The following REX1BD variants were observed in gnomAD, a reference collection of about 807,000 sequenced individuals.
The protein encoded by REX1BD is required for excision 1-B domain-containing protein.
REX1BD carries 22 observed loss-of-function variants against 24.4 expected under a neutral mutation model. The ratio of observed to expected loss-of-function variants is 0.90; its 90% CI spans 0.64 to 1.29. The LOEUF is 1.29. REX1BD is among the 50% of genes most tolerant of loss of function. The pLI, the probability that REX1BD is intolerant of heterozygous loss-of-function variation, is 0.00. For missense variants in REX1BD, 293 were observed against 285.3 expected (o/e 1.03, Z -0.19); for synonymous variants, 146 against 125.9 (o/e 1.16, Z -1.07).
Position 18,590,903 on chromosome 19 carries a change from A to G in REX1BD, c.503A>G (p.Asp168Gly), listed in dbSNP as rs1600644817. ...ACGCCAGAGCTGGCGGGGCAGGAGG[A>G]CGCTGTACGGATGCAGCAGCTGAAA... is the stretch of plus-strand genomic sequence containing the variant. The part of the protein sequence containing the change: ...METPELAGQE[D>G]AVRMQQLKMK... Residue 168 changes from aspartate (D) to glycine (G), a missense_variant, in exon 4 of 5, where the codon GAC (aspartate) becomes GGC (glycine). Coordinates refer to ENST00000358607, the MANE Select transcript of REX1BD (RefSeq NM_001100418.2). The G allele has an allele frequency of 6.2e-7, 1 of 1,600,330 alleles. No homozygotes were observed. Among genetic ancestry groups the G allele is most frequent in the South Asian group, 1.1e-5 (1 of 88,900 alleles).
chr19:18,589,943 C>T (rs771051096), intron 3 of REX1BD: 13 of 487,154 alleles, frequency 2.7e-5, no homozygotes, highest in Middle Eastern at 5.3e-4. Flanking sequence ...AATGCTATTC[C>T]AAGATGCCCA....
chr19:18,589,632 C>G lies in REX1BD; in HGVS notation c.402C>G (p.Leu134=). 6.6e-7 allele frequency: 1 copy of G among 1,518,716 alleles called. No homozygotes were observed. Among genetic ancestry groups the G allele is most frequent in the South Asian group, 1.2e-5 (1 of 80,916 alleles). 94.1% of individuals were successfully genotyped at this position (1,518,716 alleles called of 1,614,324 possible). Reference sequence around the variant, plus strand: ...GCGGGCCTCGCAGGCAGCCGCTGCTCGCCGGCCACGTGCGCAGCCTGCAGG... The same window carrying G: ...GCGGGCCTCGCAGGCAGCCGCTGCTGGCCGGCCACGTGCGCAGCCTGCAGG... The part of the protein sequence containing the change: ...ELGGPRRQPL[L]AGHVRSLQEL... The change falls in exon 3 of 5, where the codon CTC becomes CTG. Residue 134 remains leucine (L), a synonymous_variant. Transcript: ENST00000358607.
chr19:18,588,919 G>A lies in REX1BD; in HGVS notation c.99+19G>A, dbSNP rs1478196490. The A allele has an allele frequency of 3.3e-6, 5 of 1,526,632 alleles. No individual in the cohort carries two copies. Among genetic ancestry groups the A allele is most frequent in the South Asian group, 2.4e-5 (2 of 83,378 alleles). The allele number at this position is 1,526,632 out of a possible 1,614,324, so 94.6% of individuals were successfully genotyped here. On this transcript the variant is annotated intron_variant, in intron 1 of 4. Coordinates refer to ENST00000358607, the MANE Select transcript of REX1BD (RefSeq NM_001100418.2). Reference sequence around the variant, plus strand: ...GCCCTGGGTGAGCCCAGGCCCAAGCGGGAACGGGCGCGGGGCGGGCGGCGC... The same window carrying A: ...GCCCTGGGTGAGCCCAGGCCCAAGCAGGAACGGGCGCGGGGCGGGCGGCGC...
In REX1BD at chr19:18,590,952, G is replaced by A; in HGVS notation, c.533+19G>A. 1 of 1,526,384 alleles carries A rather than the reference G, an allele frequency of 6.6e-7. No homozygotes were observed. Among genetic ancestry groups the A allele is most frequent in the Non-Finnish European group, 8.8e-7 (1 of 1,135,462 alleles). The allele number at this position is 1,526,384 out of a possible 1,614,324, so 94.6% of individuals were successfully genotyped here. A position where few individuals can be genotyped will look rare whatever the true frequency, so the allele number is the denominator to read the frequency against. On this transcript the variant is annotated intron_variant, in intron 4 of 4. Coordinates refer to ENST00000358607, the MANE Select transcript of REX1BD (RefSeq NM_001100418.2). ...AAATGAAGTGAGCGCTGCTGCCCAA[G>A]CCGCCTGGCTATGCTCGATTTGCAC... is the stretch of plus-strand genomic sequence containing the variant.
rs549442000 is a variant in REX1BD at position 18,592,269 on chromosome 19, C to G, written c.*89C>G. On this transcript the variant is annotated 3_prime_UTR_variant, in exon 5 of 5. Coordinates refer to ENST00000358607, the MANE Select transcript of REX1BD (RefSeq NM_001100418.2). Reference sequence around the variant, plus strand: ...CCTAACTGCCAGCTGGCTGGGGTTGCGCCCCACTGCGCTGCTGACCTTCCT... The same window carrying G: ...CCTAACTGCCAGCTGGCTGGGGTTGGGCCCCACTGCGCTGCTGACCTTCCT... 1 of 1,391,072 alleles carries G rather than the reference C, an allele frequency of 7.2e-7. No individual in the cohort carries two copies. Among genetic ancestry groups the G allele is most frequent in the Non-Finnish European group, 1.0e-6 (1 of 985,110 alleles). 86.2% of individuals were successfully genotyped at this position (1,391,072 alleles called of 1,614,324 possible). A position where few individuals can be genotyped will look rare whatever the true frequency, so the allele number is the denominator to read the frequency against.
intron 3 of REX1BD, chr19:18,590,060 C>T (rs1425001261): frequency 8.3e-6 from 2 of 241,660 alleles, no homozygotes; most frequent in South Asian, 1.0e-4. Flanking sequence ...CACGCCTCCT[C>T]CGTATTATTC....
rs751728447 is a variant in REX1BD, at chr19:18,590,923, C to T, written c.523C>T (p.Leu175=). The change falls in exon 4 of 5, where the codon CTG becomes TTG. Residue 175 remains leucine (L), a synonymous_variant. Coordinates refer to ENST00000358607, the MANE Select transcript of REX1BD (RefSeq NM_001100418.2). ...GGAGGACGCTGTACGGATGCAGCAG[C>T]TGAAAATGAAGTGAGCGCTGCTGCC... ...GQEDAVRMQQ[L]KMKVIKTMEA... is the part of the protein sequence containing the mutation. The T allele has an allele frequency of 5.7e-6, 9 of 1,587,486 alleles. No individual in the cohort carries two copies. In the East Asian group the frequency reaches 2.1e-4, roughly 37 times the overall value.
chr19:18,589,250 G>A, intron 2 of REX1BD, 163 bp from the exon 3 acceptor site: 1 of 1,533,732 alleles, frequency 6.5e-7, no homozygotes, highest in Non-Finnish European at 8.7e-7. Context: ...AGGCCCCACA[G>A]CACGTCCCCA....
chr19:18,590,653 C>T, intron 3 of REX1BD: 1 of 560,420 alleles, frequency 1.8e-6, no homozygotes, highest in Middle Eastern at 4.1e-4. Flanking sequence ...CTCAGCACTG[C>T]CTCTGGCCTG....
chr19:18,589,625 C>G lies in REX1BD; in HGVS notation c.395C>G (p.Pro132Arg), dbSNP rs901532512. ...EAELGGPRRQ[P>R]LLAGHVRSLQ... ...GAGCTGGGCGGGCCTCGCAGGCAGC[C>G]GCTGCTCGCCGGCCACGTGCGCAGC... Residue 132 changes from proline (P) to arginine (R), a missense_variant, in exon 3 of 5, where the codon CCG becomes CGG. Coordinates refer to ENST00000358607, the MANE Select transcript of REX1BD (RefSeq NM_001100418.2). 6.6e-7 allele frequency: 1 copy of G among 1,522,008 alleles called. No individual in the cohort carries two copies. The highest frequency in any genetic ancestry group is 8.8e-7 in the Non-Finnish European group (1 of 1,142,018). The allele number at this position is 1,522,008 out of a possible 1,614,324, so 94.3% of individuals were successfully genotyped here. A position where few individuals can be genotyped will look rare whatever the true frequency, so the allele number is the denominator to read the frequency against.
chr19:18,591,014 A>T, intron 4 of REX1BD, 81 bp downstream of exon 4: 8 of 1,272,672 alleles, frequency 6.3e-6, no homozygotes, highest in Non-Finnish European at 8.4e-6. Context: ...CAGCAGAGGA[A>T]CCCTCTGCCA....
Sources: gnomAD v4.1 joint callset for allele counts on GRCh38, gnomAD v4.1.1 for gene constraint, MANE v1.5 for transcripts, NCBI Gene and HGNC (gene_info 2026-07-23, HGNC 2026-07-21) for gene names.